STPG1: variants seen among roughly 807,000 people sequenced by gnomAD.
STPG1 encodes the protein sperm tail PG-rich repeat containing 1, also known as O(6)-methylguanine-induced apoptosis 2.
STPG1 carries 33 observed loss-of-function variants against 40.1 expected under a neutral mutation model. The ratio of observed to expected loss-of-function variants is 0.82; its 90% CI spans 0.62 to 1.10. The LOEUF is 1.10. Ranked by LOEUF, STPG1 falls within the 50% of genes least tolerant of loss-of-function variation. The pLI is 0.00. For missense variants in STPG1, 396 were observed against 415.1 expected, an observed-to-expected ratio of 0.95 and a Z score of 0.40; for synonymous variants, 150 against 155.0, an observed-to-expected ratio of 0.97 and a Z score of 0.24.
intron 4 of STPG1, among the ~76,000 whole-genome samples, chr1:24,383,104 G>A (rs1281630617): frequency 6.6e-6 from 1 of 151,760 alleles, no homozygotes; most frequent in Non-Finnish European, 1.5e-5. Flanking sequence ...GTAGAGATGG[G>A]GTCTCACTAT....
In STPG1 at chr1:24,375,631, G is replaced by A. The variant is rs77065546; in HGVS notation, c.463-1821C>T. Among the ~76,000 whole-genome samples the A allele has an allele frequency of 3.5e-3, 532 of 152,268 alleles. 3 individuals are homozygous for A. Among genetic ancestry groups the A allele is most frequent in the African/African-American group, 0.012 (501 of 41,534 alleles). ...AATATACAAGTGAGGGATGGTGGCAGCAAAGGCAGAGAAAGGCTTTGACAG... is the reference window on the plus strand; with the variant it reads ...AATATACAAGTGAGGGATGGTGGCAACAAAGGCAGAGAAAGGCTTTGACAG... On this transcript the variant is annotated intron_variant, in intron 5 of 8. Coordinates refer to ENST00000337248, the MANE Select transcript of STPG1 (RefSeq NM_001199013.2).
chr1:24,359,530 G>C lies in STPG1; in HGVS notation c.929-911C>G, dbSNP rs1229927143. On this transcript the variant is annotated intron_variant, in intron 8 of 8. Transcript: ENST00000337248. This position sits in a 1 kb window ranked among gnomAD's most constrained non-coding sequence, Gnocchi z 5.3. ...CACATTTGCAAGGCCAAAGCTAGGA[G>C]AATGACCTTCTCCTGGCCCAGTCTG... 6.6e-6 allele frequency among the ~76,000 whole-genome samples: 1 copy of C among 152,216 alleles called. No homozygotes were observed.
intron 5 of STPG1, among the ~76,000 whole-genome samples, chr1:24,376,104 T>C (rs1411207866): frequency 6.6e-6 from 1 of 152,218 alleles, no homozygotes; most frequent in Non-Finnish European, 1.5e-5. Context: ...CACTGCAACC[T>C]CCACTTTCCA....
intron 2 of STPG1, among the ~76,000 whole-genome samples, chr1:24,394,453 T>C (rs1642908270): frequency 6.6e-6 from 1 of 151,988 alleles, no homozygotes; most frequent in African/African-American, 2.4e-5. Context: ...AAAAAATTAA[T>C]AGGAGGAAGA....
At chr1:24,376,468 C>G (rs1374010317) in intron 5 of STPG1, among the ~76,000 whole-genome samples, 3 of 152,080 alleles carry the variant, frequency 2.0e-5, no homozygotes, top group African/African-American at 2.4e-5. Context: ...CAATAATGAA[C>G]AAAAAACATG....
chr1:24,380,003 G>A (rs1327100542), intron 4 of STPG1, among the ~76,000 whole-genome samples, 180 bp from the exon 5 acceptor site: 1 of 152,204 alleles, frequency 6.6e-6, no homozygotes, highest in East Asian at 1.9e-4. Flanking sequence ...GAAAACGCAA[G>A]TTCAGACCTG....
At chr1:24,365,680 C>T (rs78928001) in intron 7 of STPG1, among the ~76,000 whole-genome samples, 4 of 152,248 alleles carry the variant, frequency 2.6e-5, no homozygotes, top group Non-Finnish European at 4.4e-5. Flanking sequence ...ACCCGCTCAC[C>T]TGCTTTGATA....
At chr1:24,362,671 G>C (rs1641198567) in intron 7 of STPG1, among the ~76,000 whole-genome samples, 1 of 152,184 alleles carries the variant, frequency 6.6e-6, no homozygotes, top group Admixed American at 6.5e-5. Flanking sequence ...TGACAGACAG[G>C]CAACTGAGCC....
At chr1:24,364,241 A>G (rs1178878021) in intron 7 of STPG1, 1 of 1,547,872 alleles carries the variant, frequency 6.5e-7, no homozygotes, top group South Asian at 1.2e-5. Flanking sequence ...GACTGTCTTG[A>G]ATGTTCCCAT....
intron 8 of STPG1, among the ~76,000 whole-genome samples, chr1:24,358,912 T>C (rs760384931): frequency 1.3e-5 from 2 of 152,164 alleles, no homozygotes; most frequent in African/African-American, 2.4e-5. Context: ...AGTAAAGCAA[T>C]ATTCTTAAAG....
chr1:24,409,972 C>T (rs78097350), intron 1 of STPG1, among the ~76,000 whole-genome samples: 203 of 152,222 alleles, frequency 1.3e-3, no homozygotes, highest in Middle Eastern at 3.4e-3. Flanking sequence ...TCTGAGGTTG[C>T]TAAGATCTAC....
intron 7 of STPG1, chr1:24,369,459 T>C (rs1481283621): frequency 2.9e-6 from 2 of 687,316 alleles, no homozygotes; most frequent in Admixed American, 2.1e-5. Flanking sequence ...AATAATTGAA[T>C]ACAATTTTAA....
chr1:24,379,828 A>G lies in STPG1; in HGVS notation c.292-5T>C, dbSNP rs767380057. 3.7e-6 allele frequency: 6 copies of G among 1,613,030 alleles called. No homozygotes were observed. Among genetic ancestry groups the G allele is most frequent in the Admixed American group, 1.7e-5 (1 of 59,962 alleles). Reference sequence around the variant, plus strand: ...GATGGTGTCCAATCGGGCGCACTGTAAGGAGACAACCAAAGGAATCAGCAT... The same window carrying G: ...GATGGTGTCCAATCGGGCGCACTGTGAGGAGACAACCAAAGGAATCAGCAT... On this transcript the variant is annotated splice_region_variant and splice_polypyrimidine_tract_variant and intron_variant, in intron 4 of 8. Transcript: ENST00000337248.
intron 1 of STPG1, among the ~76,000 whole-genome samples, chr1:24,402,230 C>G (rs1048575221): frequency 6.6e-6 from 1 of 152,202 alleles, no homozygotes. Context: ...GAAATGCAAT[C>G]ATAGACACTC....
At chr1:24,364,247 C>G in intron 7 of STPG1, 1 of 1,548,648 alleles carries the variant, frequency 6.5e-7, no homozygotes, top group Non-Finnish European at 8.7e-7. Context: ...CTTGAATGTT[C>G]CCATCCTGTG....
Position 24,404,686 on chromosome 1 carries a change from C to T in STPG1, c.-68-3230G>A, listed in dbSNP as rs562791995. ...GAAATTTTTTTCATTTCATCTATCA[C>T]GAAACTTACGGGCATAAAGTCATTT... On this transcript the variant is annotated intron_variant, in intron 1 of 8. Coordinates refer to ENST00000337248, the MANE Select transcript of STPG1 (RefSeq NM_001199013.2). Among the ~76,000 whole-genome samples, 199 of 152,200 alleles carry T rather than the reference C, an allele frequency of 1.3e-3. 1 individual carries two copies. The highest frequency in any genetic ancestry group is 4.6e-3 in the African/African-American group (192 of 41,544).
At chr1:24,404,851 G>A (rs950784950) in intron 1 of STPG1, among the ~76,000 whole-genome samples, 1 of 152,070 alleles carries the variant, frequency 6.6e-6, no homozygotes, top group African/African-American at 2.4e-5. Context: ...AAAACAGCAT[G>A]TGGTTTTATT....
At chr1:24,379,420 A>AGTGT (rs1366602018) in intron 5 of STPG1, 7 of 525,838 alleles carry the variant, frequency 1.3e-5, no homozygotes, top group Non-Finnish European at 2.4e-5. Context: ...TTCTCAGGGC[A>AGTGT]GTGGCCTCCC....
chr1:24,391,817 C>G, intron 2 of STPG1, 138 bp from the exon 3 acceptor site: 4 of 1,234,804 alleles, frequency 3.2e-6, no homozygotes, highest in Non-Finnish European at 4.1e-6. Context: ...GAAACAGACA[C>G]GAAACCGGAT....
Sources: gnomAD v4.1 joint callset for allele counts (sites outside exome capture counted in the v4.1 genomes callset) on GRCh38, gnomAD v4.1.1 for gene constraint, Gnocchi (gnomAD v3.1) non-coding constraint, MANE v1.5 for transcripts, NCBI Gene and HGNC (gene_info 2026-07-23, HGNC 2026-07-21) for gene names.